The following ANKH variants were observed in gnomAD, a reference collection of about 807,000 sequenced individuals.
The protein encoded by ANKH is ANKH inorganic pyrophosphate transport regulator.
ANKH carries 15 observed loss-of-function variants against 49.0 expected under a neutral mutation model. That is an observed-to-expected ratio of 0.31 (90% CI 0.20 to 0.47). ANKH has a LOEUF of 0.47. ANKH is among the 20% of genes least tolerant of loss of function. The pLI is 1.00. For synonymous variants in ANKH, 273 were observed against 260.0 expected (o/e 1.05, Z -0.48); for missense variants, 429 against 652.0 (o/e 0.66, Z 3.72).
rs373544103 is a variant in ANKH, at chr5:14,810,402, G to A, written c.97-41211C>T. On this transcript the variant is annotated intron_variant, in intron 1 of 11. Coordinates refer to ENST00000284268, the MANE Select transcript of ANKH (RefSeq NM_054027.6). ...TCAAACTCCTAACCTCAGGTGATCC[G>A]CCTGCCTCAGCCTCCCAAAGTGCTG... Among the ~76,000 whole-genome samples the A allele has an allele frequency of 1.6e-4, 25 of 151,840 alleles. No homozygotes were observed. The East Asian group carries it at 3.5e-3, about 21-fold the overall frequency.
chr5:14,844,847 TC>T (rs758335531), intron 1 of ANKH, among the ~76,000 whole-genome samples: 1 of 152,204 alleles, frequency 6.6e-6, no homozygotes, highest in Non-Finnish European at 1.5e-5. Context: ...CATAACAAGC[TC>T]ATTGTCTTGG....
intron 1 of ANKH, among the ~76,000 whole-genome samples, chr5:14,845,214 T>C (rs896792717): frequency 6.6e-6 from 1 of 152,096 alleles, no homozygotes; most frequent in African/African-American, 2.4e-5. Flanking sequence ...TTAACGAGTA[T>C]ATATGTTAAG....
chr5:14,831,531 C>T (rs1741506525), intron 1 of ANKH, among the ~76,000 whole-genome samples: 1 of 152,068 alleles, frequency 6.6e-6, no homozygotes, highest in Non-Finnish European at 1.5e-5. Context: ...TGGGGGACGA[C>T]GGGGGGCCTT....
chr5:14,816,180 G>A (rs1741030834), intron 1 of ANKH, among the ~76,000 whole-genome samples: 2 of 152,112 alleles, frequency 1.3e-5, no homozygotes. Flanking sequence ...TCTTTAATTT[G>A]TTGATCTAAA....
At chr5:14,833,506 C>T (rs1210175311) in intron 1 of ANKH, among the ~76,000 whole-genome samples, 2 of 152,282 alleles carry the variant, frequency 1.3e-5, no homozygotes, top group South Asian at 2.1e-4. Flanking sequence ...ACGAGATTCT[C>T]GCCTGCTCCT....
Position 14,737,570 on chromosome 5 carries a change from C to T in ANKH, c.1011+4257G>A, listed in dbSNP as rs780822982. Among the ~76,000 whole-genome samples, 7 of 152,334 alleles carry T rather than the reference C, an allele frequency of 4.6e-5. No homozygotes were observed. Among genetic ancestry groups the T allele is most frequent in the South Asian group, 2.1e-4 (1 of 4,830 alleles). On this transcript the variant is annotated intron_variant, in intron 8 of 11. Coordinates refer to ENST00000284268, the MANE Select transcript of ANKH (RefSeq NM_054027.6). The surrounding 1 kb of genome is among the most constrained non-coding windows in gnomAD (Gnocchi z 5.0). Reference sequence around the variant, plus strand: ...CTGTCCAGGAAGGCTCAGGGCAAGGCGACCACTGGCTCTGACTCCAGCACC... The same window carrying T: ...CTGTCCAGGAAGGCTCAGGGCAAGGTGACCACTGGCTCTGACTCCAGCACC...
intron 1 of ANKH, among the ~76,000 whole-genome samples, chr5:14,792,885 G>A (rs1046296986): frequency 2.0e-5 from 3 of 149,166 alleles, no homozygotes; most frequent in African/African-American, 7.5e-5. Flanking sequence ...GCTGAGGCAG[G>A]AGAATCGCTT....
chr5:14,858,223 C>T (rs1387657848), intron 1 of ANKH, among the ~76,000 whole-genome samples: 1 of 152,122 alleles, frequency 6.6e-6, no homozygotes, highest in Non-Finnish European at 1.5e-5. Flanking sequence ...AAGCAGTGTA[C>T]ACTGTACCCA....
At chr5:14,797,882 G>A (rs533337337) in intron 1 of ANKH, 1 of 1,612,106 alleles carries the variant, frequency 6.2e-7, no homozygotes, top group African/African-American at 1.3e-5. Flanking sequence ...GATGTCCACG[G>A]AGACGCAAGT....
intron 8 of ANKH, among the ~76,000 whole-genome samples, chr5:14,721,374 C>A (rs1401527086): frequency 6.6e-6 from 1 of 152,192 alleles, no homozygotes; most frequent in Admixed American, 6.5e-5. Flanking sequence ...ACCTACAGCC[C>A]AGACTGGGTC....
intron 1 of ANKH, among the ~76,000 whole-genome samples, chr5:14,849,456 A>C (rs1742063680): frequency 6.6e-6 from 1 of 152,150 alleles, no homozygotes; most frequent in African/African-American, 2.4e-5. Context: ...TTCTTAAACT[A>C]TTTATTAGAT....
chr5:14,783,338 T>C (rs564017749), intron 1 of ANKH, among the ~76,000 whole-genome samples: 9 of 138,176 alleles, frequency 6.5e-5, no homozygotes, highest in Admixed American at 7.2e-5. Context: ...ACACCACACA[T>C]GGAGATAGGA....
chr5:14,719,121 G>T (rs1003426877), intron 8 of ANKH, among the ~76,000 whole-genome samples: 5 of 152,332 alleles, frequency 3.3e-5, no homozygotes, highest in African/African-American at 1.2e-4. Context: ...CCCCATCAGG[G>T]CACGTCACTG....
Position 14,709,318 on chromosome 5 carries a change from T to TA in ANKH, c.*1878dup, listed in dbSNP as rs1737069452. On this transcript the variant is annotated 3_prime_UTR_variant, in exon 12 of 12. Transcript: ENST00000284268. ...AAGCTGATACATTGAGATTTTTTTT[T>TA]AATCTTCTCAGATCTGCCTCTGAAA... 1 of 152,192 alleles carries TA rather than the reference T, an allele frequency of 6.6e-6. No homozygotes were observed. The highest frequency in any genetic ancestry group is 2.4e-5 in the African/African-American group (1 of 41,432). The allele number at this position is 152,192 out of a possible 1,614,324, so 9.4% of individuals were successfully genotyped here. A position where few individuals can be genotyped will look rare whatever the true frequency, so the allele number is the denominator to read the frequency against.
intron 1 of ANKH, among the ~76,000 whole-genome samples, chr5:14,782,383 A>T (rs2126531595): frequency 6.6e-6 from 1 of 152,302 alleles, no homozygotes; most frequent in African/African-American, 2.4e-5. Flanking sequence ...GAAATCACTC[A>T]TCCAGGGTGG....
In ANKH at chr5:14,737,811, C is replaced by A. The variant is rs1284967029; in HGVS notation, c.1011+4016G>T. Among the ~76,000 whole-genome samples the A allele has an allele frequency of 6.6e-6, 1 of 152,348 alleles. No homozygotes were observed. Among genetic ancestry groups the A allele is most frequent in the Middle Eastern group, 3.4e-3 (1 of 292 alleles). On this transcript the variant is annotated intron_variant, in intron 8 of 11. Transcript: ENST00000284268. The surrounding 1 kb of genome is among the most constrained non-coding windows in gnomAD (Gnocchi z 5.0). ...TGGGTTTGCACTGTGTCTGCTCCCTCGTTGCTATCAAGGGGATTCCGTTTC... is the reference window on the plus strand; with the variant it reads ...TGGGTTTGCACTGTGTCTGCTCCCTAGTTGCTATCAAGGGGATTCCGTTTC...
At chr5:14,736,781 A>G (rs529468504) in intron 8 of ANKH, among the ~76,000 whole-genome samples, 2 of 152,314 alleles carry the variant, frequency 1.3e-5, no homozygotes, top group Admixed American at 6.5e-5. Flanking sequence ...GCACTGCACA[A>G]AAGTGCCTGG....
rs896215611 is a variant in ANKH at position 14,713,777 on chromosome 5, G to A, written c.1142-110C>T. The stretch of plus-strand genomic sequence containing the variant: ...AGAGCCAGGGGCTGCCTAGGACCCT[G>A]GCCTTGCTGTTGAGCCGCTGGCCAC... On this transcript the variant is annotated intron_variant, in intron 9 of 11. Coordinates refer to ENST00000284268, the MANE Select transcript of ANKH (RefSeq NM_054027.6). This position sits in a 1 kb window ranked among gnomAD's most constrained non-coding sequence, Gnocchi z 4.4. 5 of 1,524,984 alleles carry A rather than the reference G, an allele frequency of 3.3e-6. No individual in the cohort carries two copies. The Admixed American group carries it at 8.4e-5, about 26-fold the overall frequency. The allele number at this position is 1,524,984 out of a possible 1,614,324, so 94.5% of individuals were successfully genotyped here. A position where few individuals can be genotyped will look rare whatever the true frequency, so the allele number is the denominator to read the frequency against.
chr5:14,866,837 A>G (rs1485374436), intron 1 of ANKH, among the ~76,000 whole-genome samples: 1 of 152,190 alleles, frequency 6.6e-6, no homozygotes, highest in Non-Finnish European at 1.5e-5. Context: ...CTTTCCTGGA[A>G]GCCCTCCTTT....
Sources: gnomAD v4.1 joint callset for allele counts (sites outside exome capture counted in the v4.1 genomes callset) on GRCh38, gnomAD v4.1.1 for gene constraint, Gnocchi (gnomAD v3.1) non-coding constraint, MANE v1.5 for transcripts, NCBI Gene and HGNC (gene_info 2026-07-23, HGNC 2026-07-21) for gene names.